The following ITPR1 variants were observed in gnomAD, a reference collection of about 807,000 sequenced individuals.
ITPR1 encodes inositol 1,4,5-trisphosphate receptor type 1.
Under a neutral mutation model 318.4 loss-of-function variants are expected in ITPR1, and 96 were observed. The observed-to-expected ratio is 0.30, with a 90% CI of 0.26 to 0.36. The LOEUF is 0.36. Among genes scored for constraint, ITPR1 ranks in the 10% least tolerant of loss-of-function variants. The probability of loss-of-function intolerance (pLI) is 1.00; values close to 1 mark genes in which losing one functional copy is unlikely to be tolerated. For synonymous variants in ITPR1, 1,312 were observed against 1,289.9 expected (o/e 1.02, Z -0.37); for missense variants, 2,440 against 3,460.2 (o/e 0.71, Z 7.40).
intron 60 of ITPR1, among the ~76,000 whole-genome samples, chr3:4,832,407 G>A (rs2050582286): frequency 6.6e-6 from 1 of 152,156 alleles, no homozygotes; most frequent in East Asian, 1.9e-4. Flanking sequence ...ACATTTGATT[G>A]AGCACTTTGG....
chr3:4,551,590 A>C (rs919045532), intron 4 of ITPR1, among the ~76,000 whole-genome samples: 4 of 152,226 alleles, frequency 2.6e-5, no homozygotes, highest in Admixed American at 6.5e-5. Context: ...TCAAGGTCAC[A>C]ACAGAGCTCA....
At chr3:4,640,237 T>C (rs1227968852) in intron 6 of ITPR1, among the ~76,000 whole-genome samples, 1 of 152,220 alleles carries the variant, frequency 6.6e-6, no homozygotes, top group African/African-American at 2.4e-5. Context: ...ACTAATTACA[T>C]AGGAGTCCTT....
At chr3:4,658,004 T>G (rs755193357) in intron 12 of ITPR1, 120 bp from the exon 13 acceptor site, 6 of 951,762 alleles carry the variant, frequency 6.3e-6, no homozygotes, top group Non-Finnish European at 9.5e-6. Context: ...GTGGTCCTTT[T>G]CCTGCCAACT....
At chr3:4,717,058 A>C (rs1336912732) in intron 39 of ITPR1, among the ~76,000 whole-genome samples, 1 of 152,204 alleles carries the variant, frequency 6.6e-6, no homozygotes, top group Non-Finnish European at 1.5e-5. Flanking sequence ...CCTTGCTCCC[A>C]GCTCGGTTCA....
intron 22 of ITPR1, 117 bp downstream of exon 22, chr3:4,674,460 G>T: frequency 1.3e-6 from 1 of 797,760 alleles, no homozygotes; most frequent in East Asian, 2.9e-5. Flanking sequence ...CTCTGGTTTT[G>T]TAATGGAAAG....
intron 4 of ITPR1, among the ~76,000 whole-genome samples, chr3:4,621,905 T>C (rs994611170): frequency 2.0e-5 from 3 of 152,204 alleles, no homozygotes; most frequent in African/African-American, 7.2e-5. Context: ...CCTTTCCTGA[T>C]GACCCTGTAG....
intron 29 of ITPR1, 48 bp from the exon 30 acceptor site, chr3:4,685,021 C>T (rs1397643612): frequency 1.9e-6 from 3 of 1,584,056 alleles, no homozygotes; most frequent in African/African-American, 2.7e-5. Flanking sequence ...AATCTTTTTC[C>T]AGCTATAGTT....
chr3:4,843,265 T>G (rs1464242084), intron 61 of ITPR1, among the ~76,000 whole-genome samples: 1 of 152,200 alleles, frequency 6.6e-6, no homozygotes, highest in Non-Finnish European at 1.5e-5. Flanking sequence ...CAAATGTGTG[T>G]GCCTACTATA....
chr3:4,754,048 T>TGGGGG (rs1553727648), intron 44 of ITPR1, among the ~76,000 whole-genome samples: 2 of 92,584 alleles, frequency 2.2e-5, no homozygotes, highest in South Asian at 3.8e-4. Flanking sequence ...ACACAGAAAA[T>TGGGGG]GGGGGGGGGG....
At chr3:4,559,878 G>A (rs1307838646) in intron 4 of ITPR1, among the ~76,000 whole-genome samples, 1 of 152,150 alleles carries the variant, frequency 6.6e-6, no homozygotes, top group Non-Finnish European at 1.5e-5. Flanking sequence ...TCACTAAACT[G>A]TATAGGGCCT....
intron 44 of ITPR1, chr3:4,735,715 C>A: frequency 1.0e-5 from 1 of 96,556 alleles, no homozygotes; most frequent in Non-Finnish European, 1.7e-5. Context: ...GGGATCTCAT[C>A]ACAAGATGAC....
At chr3:4,803,997 A>G (rs1248831634) in intron 54 of ITPR1, among the ~76,000 whole-genome samples, 2 of 151,852 alleles carry the variant, frequency 1.3e-5, no homozygotes, top group Admixed American at 1.3e-4. Flanking sequence ...TCAGCCTCCC[A>G]GGTAGCTGGG....
chr3:4,505,612 A>T (rs1325364439), intron 2 of ITPR1, among the ~76,000 whole-genome samples: 1 of 152,246 alleles, frequency 6.6e-6, no homozygotes, highest in African/African-American at 2.4e-5. Context: ...ATATGCCAAG[A>T]AAGAATGGGG....
At chr3:4,563,648 C>A (rs575445610) in intron 4 of ITPR1, among the ~76,000 whole-genome samples, 1 of 152,228 alleles carries the variant, frequency 6.6e-6, no homozygotes, top group South Asian at 2.1e-4. Context: ...GTTTCTGGTA[C>A]CCTGAGTTGT....
chr3:4,752,167 G>A (rs752177188), intron 44 of ITPR1, among the ~76,000 whole-genome samples: 10 of 152,122 alleles, frequency 6.6e-5, no homozygotes, highest in South Asian at 2.1e-4. Context: ...ATTGCTCTTC[G>A]AGGAGGATGT....
chr3:4,537,192 G>T (rs909409271), intron 4 of ITPR1, among the ~76,000 whole-genome samples: 1 of 152,180 alleles, frequency 6.6e-6, no homozygotes, highest in Non-Finnish European at 1.5e-5. Flanking sequence ...TTCTCTAGGG[G>T]AGTTTGTGTA....
intron 13 of ITPR1, among the ~76,000 whole-genome samples, chr3:4,659,085 A>G (rs892464249): frequency 7.2e-5 from 11 of 152,242 alleles, no homozygotes; most frequent in African/African-American, 2.7e-4. Context: ...TGTTTAAGAC[A>G]CATAGGGTTA....
chr3:4,595,592 A>G (rs2090746389), intron 4 of ITPR1, among the ~76,000 whole-genome samples: 1 of 152,186 alleles, frequency 6.6e-6, no homozygotes, highest in African/African-American at 2.4e-5. Context: ...TATTATAGTT[A>G]ATTTTGGCCA....
intron 3 of ITPR1, 77 bp from the exon 4 acceptor site, chr3:4,520,947 G>A (rs2082517511): frequency 9.3e-7 from 1 of 1,072,852 alleles, no homozygotes. Flanking sequence ...AAAAGCCCTG[G>A]GATATCTGAT....
Sources: gnomAD v4.1 joint callset for allele counts (sites outside exome capture counted in the v4.1 genomes callset) on GRCh38, gnomAD v4.1.1 for gene constraint, MANE v1.5 for transcripts, NCBI Gene and HGNC (gene_info 2026-07-23, HGNC 2026-07-21) for gene names.